Variants in BSDC1 observed in about 807,000 individuals in gnomAD.
BSDC1 encodes the protein BSD domain-containing protein 1.
In BSDC1, 29 loss-of-function variants were observed where a neutral mutation model predicts 56.0. The ratio of observed to expected loss-of-function variants is 0.52; its 90% CI spans 0.39 to 0.71. BSDC1 has a LOEUF of 0.71. Ranked by LOEUF, BSDC1 falls within the 30% of genes least tolerant of loss-of-function variation. The pLI is 0.00. For synonymous variants in BSDC1, 210 were observed against 215.3 expected (o/e 0.98, Z 0.21); for missense variants, 477 against 548.5 (o/e 0.87, Z 1.30).
chr1:32,384,283 C>G (rs1219754720), intron 3 of BSDC1, among the ~76,000 whole-genome samples: 1 of 152,044 alleles, frequency 6.6e-6, no homozygotes, highest in East Asian at 1.9e-4. Context: ...AAAACTTGGC[C>G]AGAGAAGGTC....
At chr1:32,368,827 T>A (rs571537021) in intron 9 of BSDC1, among the ~76,000 whole-genome samples, 1 of 152,038 alleles carries the variant, frequency 6.6e-6, no homozygotes, top group African/African-American at 2.4e-5. Context: ...GCCTCCCAAG[T>A]AGCTGGGACT....
At position 32,366,251 on chromosome 1, in the gene BSDC1, T is replaced by G; in HGVS notation, c.*371A>C. ...CTCAGCTTCCTCCGAGAGAGACTGG[T>G]GGTTTAGCTTCTGTCTACACAGGCA... On this transcript the variant is annotated 3_prime_UTR_variant, in exon 11 of 11. Coordinates refer to ENST00000455895, the MANE Select transcript of BSDC1 (RefSeq NM_018045.8). The G allele has an allele frequency of 2.7e-6, 1 of 370,042 alleles. No homozygotes were observed. Among genetic ancestry groups the G allele is most frequent in the Admixed American group, 4.1e-5 (1 of 24,474 alleles). 22.9% of individuals were successfully genotyped at this position (370,042 alleles called of 1,614,324 possible). A position where few individuals can be genotyped will look rare whatever the true frequency, so the allele number is the denominator to read the frequency against.
chr1:32,382,587 G>A (rs375598651), intron 4 of BSDC1, among the ~76,000 whole-genome samples: 3 of 151,862 alleles, frequency 2.0e-5, no homozygotes, highest in Non-Finnish European at 2.9e-5. Flanking sequence ...GTGGCCAGGC[G>A]CGGTGGCTTA....
chr1:32,381,123 G>T, intron 5 of BSDC1, 91 bp downstream of exon 5: 1 of 1,303,728 alleles, frequency 7.7e-7, no homozygotes, highest in Non-Finnish European at 1.1e-6. Flanking sequence ...GGGGTGCCCG[G>T]CCTCTGCTAC....
chr1:32,368,166 T>C (rs1404107169), intron 10 of BSDC1: 9 of 1,428,258 alleles, frequency 6.3e-6, no homozygotes, highest in African/African-American at 2.9e-5. Flanking sequence ...GCCACCGCGC[T>C]CAGCATGACA....
At chr1:32,368,306 A>C (rs766340537) in intron 10 of BSDC1, 141 bp downstream of exon 10, 1 of 1,601,954 alleles carries the variant, frequency 6.2e-7, no homozygotes, top group South Asian at 1.1e-5. Flanking sequence ...TCTGAGCAGG[A>C]AGCTCCAGCT....
Position 32,394,101 on chromosome 1 carries a change from G to C in BSDC1, c.51C>G (p.Ser17Arg), listed in dbSNP as rs749968308. Residue 17 changes from serine (S) to arginine (R), a missense_variant, in exon 2 of 11, where the codon AGC becomes AGG. Ser to Arg is a moderately radical substitution (Grantham distance 110). Coordinates refer to ENST00000455895, the MANE Select transcript of BSDC1 (RefSeq NM_018045.8). ...TTACCTTCTCTTTGACTGCTTGGTAGCTCTGCTGCAGCCAGCTCCGCCACC... is the reference window on the plus strand; with the variant it reads ...TTACCTTCTCTTTGACTGCTTGGTACCTCTGCTGCAGCCAGCTCCGCCACC... ...VGWWRSWLQQ[S>R]YQAVKEKSSE... 5 of 1,610,364 alleles carry C rather than the reference G, an allele frequency of 3.1e-6. No individual in the cohort carries two copies. In the South Asian group the frequency reaches 5.5e-5, roughly 18 times the overall value.
chr1:32,381,326 C>T (rs1256067641), intron 4 of BSDC1, 58 bp from the exon 5 acceptor site: 1 of 1,503,458 alleles, frequency 6.7e-7, no homozygotes, highest in Non-Finnish European at 9.2e-7. Context: ...ATAGAAAGCA[C>T]CCTTTCTCTG....
chr1:32,388,358 T>C (rs1280103431), intron 2 of BSDC1, among the ~76,000 whole-genome samples: 1 of 152,158 alleles, frequency 6.6e-6, no homozygotes, highest in Non-Finnish European at 1.5e-5. Flanking sequence ...TTTACTTATT[T>C]ACTTTTATTA....
intron 9 of BSDC1, among the ~76,000 whole-genome samples, chr1:32,372,437 C>T (rs879146430): frequency 2.0e-5 from 3 of 152,232 alleles, no homozygotes; most frequent in Non-Finnish European, 4.4e-5. Context: ...GGCTTAAATG[C>T]TATGGCAGAA....
At position 32,364,767 on chromosome 1, in the gene BSDC1, TA is replaced by T. The variant is rs1191937250; in HGVS notation, c.*1854del. The stretch of plus-strand genomic sequence containing the variant: ...AAGTGATTTTCATACTAAAGTTAAT[TA>T]AAATAGACCCAAGAATCATATACAA... On this transcript the variant is annotated 3_prime_UTR_variant, in exon 11 of 11. Coordinates refer to ENST00000455895, the MANE Select transcript of BSDC1 (RefSeq NM_018045.8). Among the ~76,000 whole-genome samples, 2 of 152,240 alleles carry T rather than the reference TA, an allele frequency of 1.3e-5. No homozygotes were observed. Among genetic ancestry groups the T allele is most frequent in the East Asian group, 1.9e-4 (1 of 5,182 alleles).
At chr1:32,370,389 G>A (rs1642030317) in intron 9 of BSDC1, among the ~76,000 whole-genome samples, 2 of 152,148 alleles carry the variant, frequency 1.3e-5, no homozygotes, top group South Asian at 4.1e-4. Flanking sequence ...CCCTGTGAGT[G>A]CCAGGATCTT....
rs895864708 is a variant in BSDC1, at chr1:32,364,932, G to A, written c.*1690C>T. On this transcript the variant is annotated 3_prime_UTR_variant, in exon 11 of 11. Coordinates refer to ENST00000455895, the MANE Select transcript of BSDC1 (RefSeq NM_018045.8). Reference sequence around the variant, plus strand: ...CTTGTCCCAGTGAGAGGCCTGTTGCGAGCCCTGACCCTTTCTCATCCCAAA... The same window carrying A: ...CTTGTCCCAGTGAGAGGCCTGTTGCAAGCCCTGACCCTTTCTCATCCCAAA... Among the ~76,000 whole-genome samples, 6 of 152,146 alleles carry A rather than the reference G, an allele frequency of 3.9e-5. No individual in the cohort carries two copies. Among genetic ancestry groups the A allele is most frequent in the African/African-American group, 9.7e-5 (4 of 41,426 alleles).
At chr1:32,370,918 T>C (rs1011577730) in intron 9 of BSDC1, among the ~76,000 whole-genome samples, 6 of 151,842 alleles carry the variant, frequency 4.0e-5, no homozygotes, top group Non-Finnish European at 8.8e-5. Flanking sequence ...TTTGACTGCA[T>C]GGCCCAAAAA....
At chr1:32,377,731 T>A (rs749197339) in intron 8 of BSDC1, among the ~76,000 whole-genome samples, 6 of 151,832 alleles carry the variant, frequency 4.0e-5, no homozygotes, top group Non-Finnish European at 5.9e-5. Context: ...AGCTGGTTCA[T>A]GGGCTGGCAG....
At position 32,394,136 on chromosome 1, in the gene BSDC1, C is replaced by T. The variant is rs1342640055; in HGVS notation, c.16G>A (p.Asp6Asn). 1.2e-6 allele frequency: 2 copies of T among 1,609,124 alleles called. No individual in the cohort carries two copies. The highest frequency in any genetic ancestry group is 2.2e-5 in the South Asian group (2 of 90,244). The change falls in exon 2 of 11, where the codon GAC becomes AAC. Residue 6 changes from aspartate (D) to asparagine (N), a missense_variant. Physicochemically the swap from Asp to Asn is conservative, Grantham distance 23. Coordinates refer to ENST00000455895, the MANE Select transcript of BSDC1 (RefSeq NM_018045.8). MAEGE[D>N]VGWWRSWLQQ... ...AGCCAGCTCCGCCACCATCCCACGT[C>T]CTCCCTGTGGAAGACAGACACATCT...
At chr1:32,376,228 A>G (rs1453038161) in intron 9 of BSDC1, 34 bp downstream of exon 9, 1 of 1,444,038 alleles carries the variant, frequency 6.9e-7, no homozygotes, top group Non-Finnish European at 9.2e-7. Context: ...CCCTGACCGC[A>G]CACAACCCTC....
At chr1:32,389,176 G>C (rs551910765) in intron 2 of BSDC1, among the ~76,000 whole-genome samples, 301 of 151,998 alleles carry the variant, frequency 2.0e-3, no homozygotes, top group South Asian at 5.0e-3. Flanking sequence ...GGATGGTCTC[G>C]ATCTCCTGAC....
rs564540278 is a variant in BSDC1, at chr1:32,375,084, G to A, written c.1156+1178C>T. Among the ~76,000 whole-genome samples, 7 of 152,206 alleles carry A rather than the reference G, an allele frequency of 4.6e-5. No homozygotes were observed. In the East Asian group the frequency reaches 5.8e-4, roughly 13 times the overall value. The stretch of plus-strand genomic sequence containing the variant: ...GGAGAATGGCGCGAACCTGAGAGGC[G>A]GAGGTTGCAGTGAGCCGAGATCGCG... On this transcript the variant is annotated intron_variant, in intron 9 of 10. Coordinates refer to ENST00000455895, the MANE Select transcript of BSDC1 (RefSeq NM_018045.8).
Sources: allele counts gnomAD v4.1 joint callset (sites outside exome capture counted in the v4.1 genomes callset), GRCh38; gene constraint gnomAD v4.1.1; transcripts MANE v1.5; gene names NCBI Gene and HGNC (gene_info 2026-07-23, HGNC 2026-07-21).